Variants in PSTPIP2 observed in about 807,000 individuals in gnomAD.
The protein encoded by PSTPIP2 is proline-serine-threonine phosphatase interacting protein 2.
Under a neutral mutation model 63.3 loss-of-function variants are expected in PSTPIP2, and 33 were observed. That is an observed-to-expected ratio of 0.52 (90% CI 0.40 to 0.70). The LOEUF (loss-of-function observed/expected upper bound fraction) is 0.70. PSTPIP2 is among the 30% of genes least tolerant of loss of function. PSTPIP2 has a pLI of 0.00. For missense variants in PSTPIP2, 312 were observed against 400.7 expected (o/e 0.78, Z 1.89); for synonymous variants, 125 against 132.7 (o/e 0.94, Z 0.40).
intron 2 of PSTPIP2, among the ~76,000 whole-genome samples, chr18:46,025,507 G>A (rs1907546068): frequency 6.6e-6 from 1 of 151,952 alleles, no homozygotes; most frequent in Non-Finnish European, 1.5e-5. Context: ...ATACACATAT[G>A]TGTAACTTTC....
chr18:46,015,917 T>G lies in PSTPIP2; in HGVS notation c.233A>C (p.Glu78Ala). ...SEINTLKRAL[E>A]VFKQQVDNVA... ...AAATCACTTACGCTGCTTGAAGACT[T>G]CAAGGGCCCGCTTCAGGGTGCTAAA... is the stretch of plus-strand genomic sequence containing the variant. Residue 78 changes from glutamate (E) to alanine (A), a missense_variant, in exon 4 of 15, where the codon GAA (glutamate) becomes GCA (alanine). Transcript: ENST00000409746. 6.2e-7 allele frequency: 1 copy of G among 1,612,588 alleles called. No individual in the cohort carries two copies. The highest frequency in any genetic ancestry group is 8.5e-7 in the Non-Finnish European group (1 of 1,179,162).
Position 45,999,458 on chromosome 18 carries a change from A to C in PSTPIP2, c.494T>G (p.Val165Gly). 1 of 1,614,162 alleles carries C rather than the reference A, an allele frequency of 6.2e-7. No homozygotes were observed. Among genetic ancestry groups the C allele is most frequent in the Non-Finnish European group, 8.5e-7 (1 of 1,180,048 alleles). Reference protein sequence around the residue: ...EQAVSRSANLVNPKQQEKLFV... With the variant: ...EQAVSRSANLGNPKQQEKLFV... ...TACCTTTTCTTGTTGCTTCGGGTTC[A>C]CCAGGTTGGCACTCCGGCTGACGGC... is the stretch of plus-strand genomic sequence containing the variant. Residue 165 changes from valine to glycine, a missense_variant, in exon 7 of 15, where the codon GTG becomes GGG. Coordinates refer to ENST00000409746, the MANE Select transcript of PSTPIP2 (RefSeq NM_024430.4).
chr18:46,006,740 G>A (rs2051733235), intron 5 of PSTPIP2, among the ~76,000 whole-genome samples: 1 of 152,066 alleles, frequency 6.6e-6, no homozygotes, highest in Non-Finnish European at 1.5e-5. Flanking sequence ...ATTCTTTATT[G>A]TGGCAGTGCT....
chr18:46,034,752 T>C (rs1357166034), intron 2 of PSTPIP2, among the ~76,000 whole-genome samples: 3 of 152,194 alleles, frequency 2.0e-5, no homozygotes, highest in Admixed American at 6.5e-5. Context: ...GCAAGTTCCA[T>C]AGCCTCTCTG....
chr18:46,027,759 CTGAAG>C (rs1428492431), intron 2 of PSTPIP2, among the ~76,000 whole-genome samples: 1 of 151,870 alleles, frequency 6.6e-6, no homozygotes, highest in Non-Finnish European at 1.5e-5. Flanking sequence ...AGAAAAAAAA[CTGAAG>C]TGAAGCTGAA....
chr18:46,056,586 G>A (rs1167225968), intron 1 of PSTPIP2, among the ~76,000 whole-genome samples: 16 of 152,110 alleles, frequency 1.1e-4, no homozygotes, highest in Admixed American at 7.9e-4. Flanking sequence ...AAATAGCAGA[G>A]CATGGTGGTG....
At chr18:46,040,918 G>A (rs1172248104) in intron 1 of PSTPIP2, 6 of 429,766 alleles carry the variant, frequency 1.4e-5, no homozygotes, top group African/African-American at 4.1e-5. Context: ...GGAGCTGGGC[G>A]CCCACTCCAG....
intron 1 of PSTPIP2, among the ~76,000 whole-genome samples, chr18:46,070,621 C>T (rs1377331630): frequency 1.3e-5 from 2 of 152,206 alleles, no homozygotes; most frequent in Non-Finnish European, 2.9e-5. Context: ...TCAAGCAATC[C>T]TCTTGCCTCA....
At chr18:45,988,607 G>C (rs1426451367) in intron 14 of PSTPIP2, 95 bp downstream of exon 14, 2 of 1,098,942 alleles carry the variant, frequency 1.8e-6, no homozygotes, top group East Asian at 2.4e-5. Context: ...GGCCTTGCTA[G>C]TTTGTGGTAG....
intron 3 of PSTPIP2, among the ~76,000 whole-genome samples, chr18:46,016,565 G>A (rs1442293731): frequency 6.6e-6 from 1 of 152,134 alleles, no homozygotes; most frequent in Non-Finnish European, 1.5e-5. Flanking sequence ...CCTTATCCCA[G>A]ACCTCAGAGT....
intron 3 of PSTPIP2, among the ~76,000 whole-genome samples, chr18:46,021,253 G>GT (rs1907334844): frequency 6.6e-6 from 1 of 152,092 alleles, no homozygotes. Context: ...ACAAATAAAC[G>GT]TAACTATAAG....
Position 46,072,163 on chromosome 18 carries a change from T to C in PSTPIP2, c.26A>G (p.Asn9Ser). Residue 9 changes from asparagine to serine, a missense_variant, in exon 1 of 15, where the codon AAC becomes AGC. Asn to Ser is a conservative substitution (Grantham distance 46, BLOSUM62 1). Transcript: ENST00000409746. The stretch of plus-strand genomic sequence containing the variant: ...GTCGGCCCCACGACTTACCCAAAAG[T>C]TTCCCTTGAACAGTGAGCGCGTCAT... MTRSLFKGNFWSADILSTI... is the reference protein window; with the variant it reads MTRSLFKGSFWSADILSTI... The C allele has an allele frequency of 1.3e-6, 2 of 1,535,654 alleles. No individual in the cohort carries two copies. The highest frequency in any genetic ancestry group is 2.0e-5 in the Admixed American group (1 of 49,630).
In PSTPIP2 at chr18:46,015,922, G is replaced by A. The variant is rs1194826870; in HGVS notation, c.228C>T (p.Ala76=). 1.2e-6 allele frequency: 2 copies of A among 1,612,010 alleles called. No individual in the cohort carries two copies. Among genetic ancestry groups the A allele is most frequent in the South Asian group, 1.1e-5 (1 of 90,786 alleles). ...ACTTACGCTGCTTGAAGACTTCAAG[G>A]GCCCGCTTCAGGGTGCTAAAAAAAA... ...GQSEINTLKR[A]LEVFKQQVDN... The change falls in exon 4 of 15, where the codon GCC becomes GCT. Residue 76 remains alanine, a synonymous_variant. Transcript: ENST00000409746.
In PSTPIP2 at chr18:45,988,764, A is replaced by G. The variant is rs749304395; in HGVS notation, c.956-5T>C. Reference sequence around the variant, plus strand: ...CCAAAGAGTAATTGGGATCATCTGCAAAAGGCAGAACACAGAAAACAACAG... The same window carrying G: ...CCAAAGAGTAATTGGGATCATCTGCGAAAGGCAGAACACAGAAAACAACAG... On this transcript the variant is annotated splice_polypyrimidine_tract_variant and splice_region_variant and intron_variant, in intron 13 of 14. Coordinates refer to ENST00000409746, the MANE Select transcript of PSTPIP2 (RefSeq NM_024430.4). The G allele has an allele frequency of 6.4e-7, 1 of 1,556,552 alleles. No individual in the cohort carries two copies. Among genetic ancestry groups the G allele is most frequent in the East Asian group, 2.2e-5 (1 of 44,546 alleles).
chr18:46,018,901 G>T (rs1259851985), intron 3 of PSTPIP2, among the ~76,000 whole-genome samples: 2 of 152,102 alleles, frequency 1.3e-5, no homozygotes, highest in African/African-American at 4.8e-5. Context: ...AGCATTTTAA[G>T]TGTTTTACAA....
At chr18:46,030,797 A>G (rs912875753) in intron 2 of PSTPIP2, among the ~76,000 whole-genome samples, 2 of 152,272 alleles carry the variant, frequency 1.3e-5, no homozygotes, top group African/African-American at 4.8e-5. Flanking sequence ...CCTCACTGGT[A>G]TAACGAATGT....
intron 14 of PSTPIP2, among the ~76,000 whole-genome samples, chr18:45,987,732 T>G (rs1177591015): frequency 1.3e-5 from 2 of 151,784 alleles, no homozygotes. Context: ...TTATGAAGAG[T>G]TTTTTTTAGT....
rs149719993 is a variant in PSTPIP2, at chr18:46,037,870, G to T, written c.134+2077C>A. Among the ~76,000 whole-genome samples, 574 of 152,308 alleles carry T rather than the reference G, an allele frequency of 3.8e-3. 4 individuals are homozygous for T. The highest frequency in any genetic ancestry group is 0.013 in the African/African-American group (544 of 41,560). ...TTGCTATAAAACCCATGGGAGAAAAGAGAACATATACTAGAAATACAATAT... is the reference window on the plus strand; with the variant it reads ...TTGCTATAAAACCCATGGGAGAAAATAGAACATATACTAGAAATACAATAT... On this transcript the variant is annotated intron_variant, in intron 2 of 14. Transcript: ENST00000409746.
intron 6 of PSTPIP2, among the ~76,000 whole-genome samples, chr18:46,003,333 G>A (rs1328342605): frequency 2.6e-5 from 4 of 152,108 alleles, no homozygotes; most frequent in South Asian, 2.1e-4. Context: ...TGAAAGTCCT[G>A]GTCCCCTATT....
Sources: gnomAD v4.1 joint callset for allele counts (sites outside exome capture counted in the v4.1 genomes callset) on GRCh38, gnomAD v4.1.1 for gene constraint, MANE v1.5 for transcripts, NCBI Gene and HGNC (gene_info 2026-07-23, HGNC 2026-07-21) for gene names.